Variants in APC observed in about 807,000 individuals in gnomAD.
The protein encoded by APC is adenomatous polyposis coli protein.
In APC, 72 loss-of-function variants were observed where a neutral mutation model predicts 247.0. That is an observed-to-expected ratio of 0.29 (90% confidence interval 0.24 to 0.35). The LOEUF is 0.35. APC is among the 10% of genes least tolerant of loss of function. The pLI is 1.00. For missense variants in APC, 3,400 were observed against 3,360.7 expected (o/e 1.01, Z -0.29); for synonymous variants, 1,254 against 1,162.5 (o/e 1.08, Z -1.60).
At chr5:112,726,280 T>G (rs1207907153) in intron 1 of APC, among the ~76,000 whole-genome samples, 1 of 152,210 alleles carries the variant, frequency 6.6e-6, no homozygotes, top group African/African-American at 2.4e-5. Context: ...TACACGGACT[T>G]GAAGGATGAA....
chr5:112,810,965 T>G (rs1761924247), intron 8 of APC, among the ~76,000 whole-genome samples: 1 of 151,908 alleles, frequency 6.6e-6, no homozygotes, highest in South Asian at 2.1e-4. Context: ...CCAGAGTTGG[T>G]AGTGAGCTGA....
intron 1 of APC, among the ~76,000 whole-genome samples, chr5:112,739,665 TC>T (rs1286178498): frequency 6.6e-6 from 1 of 152,166 alleles, no homozygotes; most frequent in Non-Finnish European, 1.5e-5. Flanking sequence ...GCCTTGGCGT[TC>T]AAGACCAGCC....
intron 4 of APC, among the ~76,000 whole-genome samples, chr5:112,775,157 A>G (rs559963256): frequency 3.6e-4 from 55 of 152,256 alleles, no homozygotes; most frequent in Non-Finnish European, 3.4e-4. Context: ...AAATGACAGT[A>G]TATTTCTTAT....
chr5:112,784,067 T>G (rs1172283669), intron 6 of APC, among the ~76,000 whole-genome samples: 4 of 152,092 alleles, frequency 2.6e-5, no homozygotes, highest in Non-Finnish European at 5.9e-5. Flanking sequence ...CTTTTTTGTT[T>G]GCTTTGTTTT....
chr5:112,768,047 T>C (rs1239584787), intron 4 of APC, among the ~76,000 whole-genome samples: 2 of 150,496 alleles, frequency 1.3e-5, no homozygotes, highest in African/African-American at 2.4e-5. Flanking sequence ...CTCTTTCTTT[T>C]TTTTTTTTTT....
chr5:112,817,224 G>T (rs1048342553), intron 9 of APC, among the ~76,000 whole-genome samples: 1 of 152,144 alleles, frequency 6.6e-6, no homozygotes, highest in South Asian at 2.1e-4. Flanking sequence ...ATTACTAAAC[G>T]ATGTATTTTC....
chr5:112,838,075 T>C lies in APC; in HGVS notation c.2481T>C (p.Asn827=), dbSNP rs749477816. The C allele has an allele frequency of 7.4e-6, 12 of 1,614,196 alleles. No individual in the cohort carries two copies. In the East Asian group the frequency reaches 2.7e-4, roughly 36 times the overall value. The change falls in exon 16 of 16, where the codon AAT becomes AAC. Residue 827 remains asparagine, a synonymous_variant. Transcript: ENST00000257430. ...TGACTGTCCTTTCACCATATTTGAATACTACAGTGTTACCCAGCTCCTCTT... is the reference window on the plus strand; with the variant it reads ...TGACTGTCCTTTCACCATATTTGAACACTACAGTGTTACCCAGCTCCTCTT... ...GNMTVLSPYL[N]TTVLPSSSSS...
At chr5:112,809,368 A>G (rs1157956455) in intron 8 of APC, among the ~76,000 whole-genome samples, 1 of 152,038 alleles carries the variant, frequency 6.6e-6, no homozygotes, top group East Asian at 1.9e-4. Context: ...AAATAAACAC[A>G]CAAAGTAGAA....
chr5:112,794,594 A>C (rs1760000996), intron 7 of APC, among the ~76,000 whole-genome samples: 1 of 152,132 alleles, frequency 6.6e-6, no homozygotes. Flanking sequence ...GACTGCTGCC[A>C]AGCTGTCTAT....
At position 112,786,159 on chromosome 5, in the gene APC, A is replaced by G. The variant is rs1561492952; in HGVS notation, c.645+5256A>G. 2.6e-5 allele frequency among the ~76,000 whole-genome samples: 4 copies of G among 152,140 alleles called. No individual in the cohort carries two copies. The South Asian group carries it at 6.2e-4, about 24-fold the overall frequency. ...AGTGCAGTGGCCATTCACAGGAGCA[A>G]TCATAATACACTACAGCCTCAAACG... On this transcript the variant is annotated intron_variant, in intron 6 of 15. Transcript: ENST00000257430.
chr5:112,836,944 G>A (rs1028207449), intron 15 of APC, among the ~76,000 whole-genome samples: 2 of 151,938 alleles, frequency 1.3e-5, no homozygotes, highest in African/African-American at 2.4e-5. Context: ...CAGGTGATCC[G>A]CCTGCCTCAG....
intron 1 of APC, among the ~76,000 whole-genome samples, chr5:112,751,465 T>A (rs1009177337): frequency 3.9e-5 from 6 of 152,078 alleles, no homozygotes; most frequent in Non-Finnish European, 7.4e-5. Flanking sequence ...AATCTTGGTA[T>A]ACCAGAATAA....
chr5:112,775,750 G>T lies in APC; in HGVS notation c.531+13G>T, dbSNP rs746814157. 7.2e-7 allele frequency: 1 copy of T among 1,395,828 alleles called. No individual in the cohort carries two copies. Among genetic ancestry groups the T allele is most frequent in the Non-Finnish European group, 1.0e-6 (1 of 998,502 alleles). The allele number at this position is 1,395,828 out of a possible 1,614,324, so 86.5% of individuals were successfully genotyped here. ...TTTAACTGAAAATGTAAGTAACTTG[G>T]CAGTACAACTTATTTGAAACTTTAA... On this transcript the variant is annotated intron_variant, in intron 5 of 15. Coordinates refer to ENST00000257430, the MANE Select transcript of APC (RefSeq NM_000038.6).
intron 4 of APC, among the ~76,000 whole-genome samples, chr5:112,769,697 T>TA (rs1256662151): frequency 2.0e-5 from 3 of 152,218 alleles, no homozygotes; most frequent in African/African-American, 7.2e-5. Flanking sequence ...TTCTGTAAGA[T>TA]AAAGATATGG....
chr5:112,799,391 C>G (rs552046844), intron 7 of APC, among the ~76,000 whole-genome samples: 1 of 151,986 alleles, frequency 6.6e-6, no homozygotes, highest in African/African-American at 2.4e-5. Flanking sequence ...TACTCCACAC[C>G]AGACCTCTTC....
At chr5:112,807,428 A>T (rs1234486811) in intron 8 of APC, among the ~76,000 whole-genome samples, 1 of 152,120 alleles carries the variant, frequency 6.6e-6, no homozygotes, top group African/African-American at 2.4e-5. Flanking sequence ...CAATATTTTT[A>T]TACTATACAA....
intron 8 of APC, among the ~76,000 whole-genome samples, chr5:112,809,597 CAAA>C (rs113558913): frequency 6.8e-5 from 7 of 102,374 alleles, no homozygotes; most frequent in Non-Finnish European, 6.2e-5. Flanking sequence ...TGGGTTTCAC[CAAA>C]AAAAAAAAAA....
chr5:112,748,109 G>A (rs1183657797), intron 1 of APC, among the ~76,000 whole-genome samples: 3 of 152,180 alleles, frequency 2.0e-5, no homozygotes, highest in East Asian at 1.9e-4. Context: ...GCCAACCCCC[G>A]CTCCTGGTCG....
chr5:112,772,777 A>G (rs1757202885), intron 4 of APC, among the ~76,000 whole-genome samples: 1 of 152,162 alleles, frequency 6.6e-6, no homozygotes, highest in Non-Finnish European at 1.5e-5. Flanking sequence ...TCAGCCTCCC[A>G]AAGTACTGGG....
Sources: gnomAD v4.1 joint callset for allele counts (sites outside exome capture counted in the v4.1 genomes callset) on GRCh38, gnomAD v4.1.1 for gene constraint, MANE v1.5 for transcripts, NCBI Gene and HGNC (gene_info 2026-07-23, HGNC 2026-07-21) for gene names.